The following PUDP variants were observed in gnomAD, a reference collection of about 807,000 sequenced individuals.
PUDP encodes the protein pseudouridine-5'-phosphatase.
A neutral mutation model predicts 9.4 loss-of-function variants in PUDP; 8 were observed. The observed-to-expected ratio is 0.85, with a 90% CI of 0.50 to 1.53. PUDP has a LOEUF of 1.53. Ranked by LOEUF, PUDP falls within the 40% of genes most tolerant of loss-of-function variation. The pLI, the probability that PUDP is intolerant of heterozygous loss-of-function variation, is 0.00. For missense variants in PUDP, 188 were observed against 189.7 expected (o/e 0.99, Z 0.05); for synonymous variants, 99 against 80.7 (o/e 1.23, Z -1.22).
intron 3 of PUDP, among the ~76,000 whole-genome samples, chrX:6,801,778 C>A (rs192776696): frequency 1.6e-3 from 181 of 111,960 alleles, no homozygotes; most frequent in African/African-American, 5.5e-3. Flanking sequence ...TATGCAAAGG[C>A]CCTTTTCTGT....
At chrX:7,003,526 C>A (rs1346439292) in intron 1 of PUDP, among the ~76,000 whole-genome samples, 1 of 112,070 alleles carries the variant, frequency 8.9e-6, no homozygotes, top group Non-Finnish European at 1.9e-5. Context: ...CCTATTTGAT[C>A]AAAAAATCCT....
chrX:6,802,999 T>C, intron 3 of PUDP, among the ~76,000 whole-genome samples: 2 of 5,765 alleles, frequency 3.5e-4, no homozygotes, highest in African/African-American at 1.2e-3. Context: ...TAAAATAAAA[T>C]AAAATAAAAT....
intron 3 of PUDP, among the ~76,000 whole-genome samples, chrX:6,733,291 C>T (rs992112037): frequency 3.6e-5 from 4 of 111,641 alleles, no homozygotes; most frequent in Non-Finnish European, 7.5e-5. Flanking sequence ...AGGCACGCTT[C>T]GTCCCGGTGA....
At chrX:6,960,981 A>G (rs111798860) in intron 3 of PUDP, among the ~76,000 whole-genome samples, 1,450 of 112,046 alleles carry the variant, frequency 0.013, 16 homozygotes, top group African/African-American at 0.042. Flanking sequence ...CAAAAACAAG[A>G]TGTGGGCTGG....
intron 1 of PUDP, among the ~76,000 whole-genome samples, chrX:7,001,281 A>G (rs1207151029): frequency 9.0e-6 from 1 of 111,530 alleles, no homozygotes; most frequent in East Asian, 2.8e-4. Flanking sequence ...AGAAATACTG[A>G]AAAATAACAA....
chrX:6,992,550 G>C (rs1267845830), intron 1 of PUDP, among the ~76,000 whole-genome samples: 3 of 109,881 alleles, frequency 2.7e-5, no homozygotes, highest in Admixed American at 9.7e-5. Context: ...GGGATTACAG[G>C]CGTGAACCAC....
intron 2 of PUDP, among the ~76,000 whole-genome samples, chrX:7,105,198 G>A (rs1227655676): frequency 1.3e-3 from 135 of 107,145 alleles, no homozygotes; most frequent in African/African-American, 4.3e-3. Context: ...TTAATTAAGC[G>A]TCTTTGGGGA....
chrX:6,794,130 T>C (rs745473356), intron 3 of PUDP, among the ~76,000 whole-genome samples: 1 of 112,308 alleles, frequency 8.9e-6, no homozygotes, highest in African/African-American at 3.2e-5. Flanking sequence ...TCATATAGGA[T>C]TCATAATACA....
At chrX:7,006,536 G>T (rs1929404931) in intron 1 of PUDP, among the ~76,000 whole-genome samples, 1 of 110,886 alleles carries the variant, frequency 9.0e-6, no homozygotes, top group South Asian at 3.8e-4. Flanking sequence ...TTTAAATTGG[G>T]TTGATTTTTT....
At chrX:6,819,496 C>G (rs190717403) in intron 3 of PUDP, among the ~76,000 whole-genome samples, 1 of 112,615 alleles carries the variant, frequency 8.9e-6, no homozygotes, top group Admixed American at 9.4e-5. Flanking sequence ...GAGCACCATA[C>G]ATTGCCAAGA....
At chrX:6,870,966 T>C (rs1316929336) in intron 3 of PUDP, among the ~76,000 whole-genome samples, 1 of 111,968 alleles carries the variant, frequency 8.9e-6, no homozygotes, top group African/African-American at 3.2e-5. Flanking sequence ...GGCTCCCAGG[T>C]AGCTGGGATT....
Position 6,793,055 on chromosome X carries a change from C to T in PUDP, c.*248-86589G>A, listed in dbSNP as rs370115620. Among the ~76,000 whole-genome samples, 7 of 112,293 alleles carry T rather than the reference C, an allele frequency of 6.2e-5. No individual in the cohort carries two copies. The East Asian group carries it at 1.7e-3, about 27-fold the overall frequency. Reference sequence around the variant, plus strand: ...ATTTATAAAGAGTAGAAATTTATTGCTCACAATTTTGGAGGCTGGAAGACC... The same window carrying T: ...ATTTATAAAGAGTAGAAATTTATTGTTCACAATTTTGGAGGCTGGAAGACC... On this transcript the variant is annotated intron_variant and NMD_transcript_variant, in intron 3 of 3. Transcript: ENST00000655425.
chrX:6,900,748 C>G (rs1386258604), intron 3 of PUDP, among the ~76,000 whole-genome samples: 3 of 107,460 alleles, frequency 2.8e-5, no homozygotes, highest in African/African-American at 1.0e-4. Context: ...CGAGGGCATA[C>G]CAGATGACCA....
At chrX:6,841,047 G>A (rs1926660693) in intron 3 of PUDP, among the ~76,000 whole-genome samples, 1 of 111,869 alleles carries the variant, frequency 8.9e-6, no homozygotes, top group South Asian at 3.7e-4. Flanking sequence ...GGGAGGCCGA[G>A]GTGGGTGGAT....
chrX:7,089,584 T>C (rs1252060647), intron 2 of PUDP, among the ~76,000 whole-genome samples: 2 of 111,733 alleles, frequency 1.8e-5, no homozygotes, highest in African/African-American at 6.5e-5. Context: ...TTTGTTTTTT[T>C]TTGAAACACA....
chrX:6,725,185 C>T (rs912366101), upstream of PUDP, among the ~76,000 whole-genome samples: 2 of 111,474 alleles, frequency 1.8e-5, no homozygotes, highest in African/African-American at 6.5e-5. Context: ...GAATATCATC[C>T]CTACAGGATG....
At chrX:6,724,943 A>T (rs1190316079), upstream of PUDP, among the ~76,000 whole-genome samples, 1 of 112,005 alleles carries the variant, frequency 8.9e-6, no homozygotes, top group Non-Finnish European at 1.9e-5. Context: ...CTTGAAAGAA[A>T]AAGAAGGAGT....
intron 3 of PUDP, among the ~76,000 whole-genome samples, chrX:6,977,076 G>A (rs1245706482): frequency 1.8e-5 from 2 of 112,093 alleles, no homozygotes; most frequent in Non-Finnish European, 3.8e-5. Flanking sequence ...CTTCCCACAT[G>A]TTTTACTAAA....
rs749582262 is a variant in PUDP, at chrX:6,876,639, A to ATATGTGTG, written c.*247+100493_*247+100494insCACACATA. 8.2e-3 allele frequency among the ~76,000 whole-genome samples: 758 copies of ATATGTGTG among 92,792 alleles called. 10 individuals are homozygous for ATATGTGTG. Among genetic ancestry groups the ATATGTGTG allele is most frequent in the Admixed American group, 0.027 (225 of 8,196 alleles). The allele number at this position is 92,792 out of a possible 115,157, so 80.6% of individuals were successfully genotyped here. ...AACAAGACCCTGCACCTAAAATGTT[A>ATATGTGTG]TGTGTGTGTGTGTGTGTGTGTGTGT... On this transcript the variant is annotated intron_variant and NMD_transcript_variant, in intron 3 of 3. Coordinates refer to the PUDP transcript ENST00000655425.
Sources: gnomAD v4.1 joint callset for allele counts (sites outside exome capture counted in the v4.1 genomes callset) on GRCh38, gnomAD v4.1.1 for gene constraint, MANE v1.5 for transcripts, NCBI Gene and HGNC (gene_info 2026-07-23, HGNC 2026-07-21) for gene names.